VPS13B: variants seen among roughly 807,000 people sequenced by gnomAD.
The protein encoded by VPS13B is intermembrane lipid transfer protein VPS13B.
In VPS13B, 285 loss-of-function variants were observed where a neutral mutation model predicts 426.4. The ratio of observed to expected loss-of-function variants is 0.67; its 90% CI spans 0.61 to 0.74. The LOEUF is 0.74. VPS13B is among the 30% of genes least tolerant of loss of function. The pLI is 0.00. For synonymous variants in VPS13B, 1,676 were observed against 1,676.4 expected (o/e 1.00, Z 0.01); for missense variants, 4,537 against 4,782.6 (o/e 0.95, Z 1.51).
At chr8:99,677,315 T>C (rs537447446) in intron 35 of VPS13B, among the ~76,000 whole-genome samples, 4 of 152,308 alleles carry the variant, frequency 2.6e-5, no homozygotes, top group Non-Finnish European at 5.9e-5. Flanking sequence ...ATCTTCTACA[T>C]TTAAGAAATG....
chr8:99,218,749 A>G (rs527531892), intron 17 of VPS13B, among the ~76,000 whole-genome samples: 17 of 152,330 alleles, frequency 1.1e-4, no homozygotes, highest in Non-Finnish European at 2.4e-4. Flanking sequence ...TGGGAATGAA[A>G]TAAGTTTGAC....
intron 34 of VPS13B, among the ~76,000 whole-genome samples, chr8:99,656,904 A>G (rs903054161): frequency 6.6e-6 from 1 of 152,256 alleles, no homozygotes; most frequent in Non-Finnish European, 1.5e-5. Flanking sequence ...CCTGCATTCA[A>G]TTTTCATTAA....
intron 17 of VPS13B, among the ~76,000 whole-genome samples, chr8:99,273,199 G>C (rs1046958631): frequency 7.0e-6 from 1 of 142,974 alleles, no homozygotes; most frequent in Non-Finnish European, 1.5e-5. Context: ...TCTCTCTGTC[G>C]CTAGGCTGGA....
intron 3 of VPS13B, among the ~76,000 whole-genome samples, chr8:99,083,043 T>C (rs921502145): frequency 6.6e-6 from 1 of 152,214 alleles, no homozygotes; most frequent in African/African-American, 2.4e-5. Context: ...ATCTATAAAT[T>C]ACCTTGGGCA....
At chr8:99,794,074 A>G (rs1327103621) in intron 43 of VPS13B, among the ~76,000 whole-genome samples, 1 of 152,250 alleles carries the variant, frequency 6.6e-6, no homozygotes, top group Non-Finnish European at 1.5e-5. Flanking sequence ...AGCCAGGGGC[A>G]ACATAGCAAG....
intron 20 of VPS13B, 99 bp downstream of exon 20, chr8:99,384,416 G>A (rs768548716): frequency 8.0e-6 from 8 of 1,004,502 alleles, no homozygotes; most frequent in African/African-American, 1.6e-5. Flanking sequence ...TTTAACAAAT[G>A]TACTAGATTT....
At chr8:99,437,536 G>A (rs1177128985) in intron 22 of VPS13B, among the ~76,000 whole-genome samples, 2 of 151,860 alleles carry the variant, frequency 1.3e-5, no homozygotes, top group African/African-American at 4.8e-5. Flanking sequence ...TGGCTAACAT[G>A]GTGAAATCCC....
chr8:99,073,996 A>G (rs1211691963), intron 3 of VPS13B, among the ~76,000 whole-genome samples: 1 of 151,900 alleles, frequency 6.6e-6, no homozygotes, highest in African/African-American at 2.4e-5. Flanking sequence ...GCCTCAAACT[A>G]CTGGGCTCAA....
intron 36 of VPS13B, among the ~76,000 whole-genome samples, chr8:99,708,045 G>A (rs545245555): frequency 5.9e-5 from 9 of 152,116 alleles, no homozygotes; most frequent in East Asian, 1.9e-4. Flanking sequence ...CAGTTTCCTC[G>A]CATAATTCAA....
intron 23 of VPS13B, among the ~76,000 whole-genome samples, chr8:99,461,707 A>C (rs1818840958): frequency 6.6e-6 from 1 of 152,236 alleles, no homozygotes; most frequent in Admixed American, 6.5e-5. Flanking sequence ...TTTCTCTTCC[A>C]AATAGTCCCA....
At chr8:99,700,311 T>G (rs953538822) in intron 36 of VPS13B, among the ~76,000 whole-genome samples, 2 of 152,156 alleles carry the variant, frequency 1.3e-5, no homozygotes, top group Admixed American at 6.5e-5. Flanking sequence ...CCTGGGAAAT[T>G]GTTACAAATG....
chr8:99,767,612 T>A (rs889509446), intron 40 of VPS13B, among the ~76,000 whole-genome samples: 1 of 150,174 alleles, frequency 6.7e-6, no homozygotes, highest in East Asian at 2.0e-4. Flanking sequence ...TATCCACCTA[T>A]AAAGCCTCAC....
intron 33 of VPS13B, among the ~76,000 whole-genome samples, chr8:99,588,832 C>T (rs1190645468): frequency 6.6e-6 from 1 of 151,716 alleles, no homozygotes; most frequent in Non-Finnish European, 1.5e-5. Context: ...TTGCCTTGGC[C>T]AGAACTTCCA....
chr8:99,783,995 A>G (rs937954625), intron 42 of VPS13B, among the ~76,000 whole-genome samples: 2 of 152,238 alleles, frequency 1.3e-5, no homozygotes, highest in Non-Finnish European at 2.9e-5. Flanking sequence ...TACCCAGTAC[A>G]GCACTGTTTG....
At chr8:99,226,286 T>G (rs1395767589) in intron 17 of VPS13B, among the ~76,000 whole-genome samples, 1 of 152,192 alleles carries the variant, frequency 6.6e-6, no homozygotes, top group Non-Finnish European at 1.5e-5. Context: ...CTTCTTCTTG[T>G]CTGCTTAACC....
chr8:99,611,772 T>C (rs1827853562), intron 33 of VPS13B, among the ~76,000 whole-genome samples: 1 of 152,064 alleles, frequency 6.6e-6, no homozygotes, highest in South Asian at 2.1e-4. Flanking sequence ...TTCTATAAAC[T>C]TTAAAACATT....
At chr8:99,421,614 T>C (rs1051821544) in intron 21 of VPS13B, among the ~76,000 whole-genome samples, 12 of 152,102 alleles carry the variant, frequency 7.9e-5, no homozygotes, top group African/African-American at 2.7e-4. Flanking sequence ...AGTTTCCCTA[T>C]CTAAAAATGG....
chr8:99,441,663 G>C (rs967633082), intron 22 of VPS13B, among the ~76,000 whole-genome samples: 7 of 152,028 alleles, frequency 4.6e-5, no homozygotes, highest in African/African-American at 1.7e-4. Context: ...GGCTTACTTT[G>C]TCTCCTTATC....
intron 8 of VPS13B, among the ~76,000 whole-genome samples, chr8:99,131,114 A>T (rs1430244544): frequency 1.3e-5 from 2 of 152,178 alleles, no homozygotes; most frequent in Non-Finnish European, 2.9e-5. Flanking sequence ...TACCTTTTTT[A>T]AAAAAGTAAC....
Sources: gnomAD v4.1 joint callset for allele counts (sites outside exome capture counted in the v4.1 genomes callset) on GRCh38, gnomAD v4.1.1 for gene constraint, MANE v1.5 for transcripts, NCBI Gene and HGNC (gene_info 2026-07-23, HGNC 2026-07-21) for gene names.